KCNMA1: variants seen among roughly 807,000 people sequenced by gnomAD.
KCNMA1 encodes the protein potassium calcium-activated channel subfamily M alpha 1, also known as Calcium-activated potassium channel subunit alpha-1.
A neutral mutation model predicts 140.0 loss-of-function variants in KCNMA1; 29 were observed. The ratio of observed to expected loss-of-function variants is 0.21; its 90% CI spans 0.15 to 0.28. KCNMA1 has a LOEUF of 0.28. Among genes scored for constraint, KCNMA1 ranks in the 10% least tolerant of loss-of-function variants. The pLI is 1.00. For synonymous variants in KCNMA1, 612 were observed against 611.9 expected (o/e 1.00, Z 0.00); for missense variants, 880 against 1,602.2 (o/e 0.55, Z 7.70).
At chr10:77,492,574 G>C (rs1191292042) in intron 1 of KCNMA1, among the ~76,000 whole-genome samples, 2 of 152,206 alleles carry the variant, frequency 1.3e-5, no homozygotes, top group African/African-American at 4.8e-5. Flanking sequence ...TGGAGGTATA[G>C]GGAAGTTACC....
intron 1 of KCNMA1, among the ~76,000 whole-genome samples, chr10:77,538,993 A>C (rs1346259296): frequency 6.6e-6 from 1 of 152,120 alleles, no homozygotes; most frequent in African/African-American, 2.4e-5. Context: ...TGTCTCCTTC[A>C]TGTCACCACC....
intron 1 of KCNMA1, among the ~76,000 whole-genome samples, chr10:77,617,267 G>A (rs1443713128): frequency 5.9e-5 from 9 of 152,302 alleles, no homozygotes; most frequent in East Asian, 5.8e-4. Context: ...TGTCATCCAT[G>A]AGCCTTCCAC....
In KCNMA1 at chr10:76,885,400, A is replaced by G. The variant is rs1312122536; in HGVS notation, c.*1866T>C. On this transcript the variant is annotated 3_prime_UTR_variant, in exon 28 of 28. Coordinates refer to ENST00000286628, the MANE Select transcript of KCNMA1 (RefSeq NM_001161352.2). The stretch of plus-strand genomic sequence containing the variant: ...TCCCCACCACAATACTGGTTTGAAT[A>G]CTACGCTGCCCCTGTCTTTGGTGTG... The G allele has an allele frequency of 1.0e-6, 1 of 984,990 alleles. No individual in the cohort carries two copies. Among genetic ancestry groups the G allele is most frequent in the Non-Finnish European group, 1.2e-6 (1 of 829,750 alleles). The allele number at this position is 984,990 out of a possible 1,614,324, so 61.0% of individuals were successfully genotyped here. A position where few individuals can be genotyped will look rare whatever the true frequency, so the allele number is the denominator to read the frequency against.
chr10:76,964,645 G>T (rs1468218860), intron 20 of KCNMA1, among the ~76,000 whole-genome samples: 1 of 152,066 alleles, frequency 6.6e-6, no homozygotes, highest in African/African-American at 2.4e-5. Flanking sequence ...GAATTGTGAG[G>T]GTGACTTGGC....
intron 14 of KCNMA1, among the ~76,000 whole-genome samples, chr10:77,049,843 C>T (rs1169860608): frequency 6.6e-6 from 1 of 152,170 alleles, no homozygotes; most frequent in African/African-American, 2.4e-5. Flanking sequence ...TTTTACACTT[C>T]CCAAAAAACT....
At chr10:77,147,860 GA>G (rs1211400716) in intron 5 of KCNMA1, 1 of 152,094 alleles carries the variant, frequency 6.6e-6, no homozygotes, top group African/African-American at 2.4e-5. Context: ...CTACAGGGAG[GA>G]CCTGAATCAG....
In KCNMA1 at chr10:77,637,245, G is replaced by A. The variant is rs1214617533; in HGVS notation, c.378+20C>T. On this transcript the variant is annotated intron_variant, in intron 1 of 27. Transcript: ENST00000286628. ...GCGGTGGGGCTGGCGCAGAGGGCGG[G>A]CGCCCGGGGCGCGCGTTACCTTCGT... 2 of 1,585,532 alleles carry A rather than the reference G, an allele frequency of 1.3e-6. No homozygotes were observed. The highest frequency in any genetic ancestry group is 1.7e-6 in the Non-Finnish European group (2 of 1,163,240).
chr10:77,234,451 G>C (rs1284665337), intron 3 of KCNMA1, among the ~76,000 whole-genome samples: 3 of 152,146 alleles, frequency 2.0e-5, no homozygotes, highest in Admixed American at 6.5e-5. Context: ...TTAAAATAGT[G>C]TCAGGCACAT....
chr10:77,566,718 A>C (rs547815460), intron 1 of KCNMA1, among the ~76,000 whole-genome samples: 2 of 152,276 alleles, frequency 1.3e-5, no homozygotes, highest in South Asian at 4.2e-4. Context: ...AAAACTTACT[A>C]TGTGTCCAGA....
At chr10:76,899,804 A>G (rs1280627757) in intron 25 of KCNMA1, among the ~76,000 whole-genome samples, 1 of 152,152 alleles carries the variant, frequency 6.6e-6, no homozygotes, top group Non-Finnish European at 1.5e-5. Flanking sequence ...TGGTTCTTTG[A>G]CATGACTCAT....
At chr10:76,962,520 C>T (rs925847380) in intron 20 of KCNMA1, among the ~76,000 whole-genome samples, 1 of 152,154 alleles carries the variant, frequency 6.6e-6, no homozygotes, top group East Asian at 1.9e-4. Flanking sequence ...TATTGAGCAT[C>T]TATTATGTAA....
chr10:77,232,912 G>C (rs1304953412), intron 3 of KCNMA1, among the ~76,000 whole-genome samples: 1 of 144,338 alleles, frequency 6.9e-6, no homozygotes, highest in Non-Finnish European at 1.5e-5. Context: ...TTTGAGACAG[G>C]GTCTCACTCT....
intron 1 of KCNMA1, among the ~76,000 whole-genome samples, chr10:77,409,888 C>A (rs2096580081): frequency 6.6e-6 from 1 of 152,180 alleles, no homozygotes; most frequent in African/African-American, 2.4e-5. Context: ...TTCCTCAAAC[C>A]CTCCATATTC....
At chr10:77,123,124 A>G (rs34999699) in intron 5 of KCNMA1, among the ~76,000 whole-genome samples, 57,428 of 140,144 alleles carry the variant, frequency 0.41, 11,697 homozygotes, top group Middle Eastern at 0.47. Context: ...AGCTTGCAGT[A>G]AGCCGAGATC....
chr10:77,389,693 G>C (rs2095745090), intron 2 of KCNMA1, among the ~76,000 whole-genome samples: 1 of 152,124 alleles, frequency 6.6e-6, no homozygotes, highest in Non-Finnish European at 1.5e-5. Context: ...CCTTCTCATT[G>C]AGCTGGCCCT....
intron 1 of KCNMA1, among the ~76,000 whole-genome samples, chr10:77,505,973 C>T (rs2045655248): frequency 3.3e-5 from 5 of 152,134 alleles, no homozygotes; most frequent in Admixed American, 2.6e-4. Flanking sequence ...AGAGTTGAGC[C>T]ACGAGGATTT....
intron 1 of KCNMA1, among the ~76,000 whole-genome samples, chr10:77,487,829 C>T (rs773399905): frequency 3.3e-5 from 5 of 152,146 alleles, no homozygotes; most frequent in Non-Finnish European, 7.3e-5. Flanking sequence ...GCAACATCAC[C>T]TGGGGATGTG....
chr10:77,342,462 C>T (rs757649079), intron 2 of KCNMA1, among the ~76,000 whole-genome samples: 1 of 152,172 alleles, frequency 6.6e-6, no homozygotes, highest in African/African-American at 2.4e-5. Flanking sequence ...CAGGGATGTG[C>T]ATGCTGCAGT....
At chr10:77,025,790 G>C (rs1026659043) in intron 16 of KCNMA1, among the ~76,000 whole-genome samples, 6 of 151,980 alleles carry the variant, frequency 3.9e-5, no homozygotes, top group African/African-American at 1.4e-4. Flanking sequence ...TAAAAAATGT[G>C]TGTTTTCACG....
Sources: allele counts gnomAD v4.1 joint callset (sites outside exome capture counted in the v4.1 genomes callset), GRCh38; gene constraint gnomAD v4.1.1; transcripts MANE v1.5; gene names NCBI Gene and HGNC (gene_info 2026-07-23, HGNC 2026-07-21).